The following RELN variants were observed in gnomAD, a reference collection of about 807,000 sequenced individuals.
The protein encoded by RELN is reelin.
A neutral mutation model predicts 427.6 loss-of-function variants in RELN; 108 were observed. The observed-to-expected ratio is 0.25, with a 90% CI of 0.22 to 0.30. The LOEUF (loss-of-function observed/expected upper bound fraction) is 0.30. Ranked by LOEUF, RELN falls within the 10% of genes least tolerant of loss-of-function variation. The pLI is 1.00. For synonymous variants in RELN, 1,524 were observed against 1,513.4 expected, an observed-to-expected ratio of 1.01 and a Z score of -0.16; for missense variants, 3,715 against 4,302.8, an observed-to-expected ratio of 0.86 and a Z score of 3.82.
Position 103,515,401 on chromosome 7 carries a change from C to G in RELN, c.7903G>C (p.Ala2635Pro), listed in dbSNP as rs143751470. 1 of 1,614,000 alleles carries G rather than the reference C, an allele frequency of 6.2e-7. No homozygotes were observed. The highest frequency in any genetic ancestry group is 8.5e-7 in the Non-Finnish European group (1 of 1,180,032). Residue 2635 changes from alanine (A) to proline (P), a missense_variant, in exon 50 of 65, where the codon GCC becomes CCC. Coordinates refer to ENST00000428762, the MANE Select transcript of RELN (RefSeq NM_005045.4). ...ILLPPDAKEIATRFRWWQPRH... is the reference protein window; with the variant it reads ...ILLPPDAKEIPTRFRWWQPRH... ...GGCTGCCACCAGCGGAAGCGAGTGG[C>G]AATCTCTTTAGCATCAGGAGGGAGA...
intron 16 of RELN, among the ~76,000 whole-genome samples, chr7:103,642,409 C>T (rs1313885903): frequency 7.4e-6 from 1 of 134,614 alleles, no homozygotes; most frequent in Non-Finnish European, 1.5e-5. Context: ...AGTATGTGTC[C>T]TTTTCTTCCC....
At chr7:103,627,008 T>G (rs1421551257) in intron 20 of RELN, among the ~76,000 whole-genome samples, 1 of 152,056 alleles carries the variant, frequency 6.6e-6, no homozygotes, top group Non-Finnish European at 1.5e-5. Context: ...GTAGTTCTTC[T>G]AATGAAAAAG....
intron 1 of RELN, among the ~76,000 whole-genome samples, chr7:103,923,473 T>C (rs535814732): frequency 6.7e-6 from 1 of 150,224 alleles, no homozygotes; most frequent in African/African-American, 2.5e-5. Flanking sequence ...GAAAAAAAAA[T>C]CATCCCAATA....
intron 10 of RELN, among the ~76,000 whole-genome samples, chr7:103,692,248 G>C (rs961276489): frequency 2.0e-5 from 3 of 152,148 alleles, no homozygotes; most frequent in Non-Finnish European, 2.9e-5. Context: ...ATTAGCCAGA[G>C]ATGCAATGCT....
rs116506790 is a variant in RELN at position 103,771,517 on chromosome 7, G to T, written c.544+5040C>A. 7.6e-3 allele frequency among the ~76,000 whole-genome samples: 1,163 copies of T among 152,214 alleles called. 12 individuals are homozygous for T. The highest frequency in any genetic ancestry group is 0.026 in the African/African-American group (1,076 of 41,524). On this transcript the variant is annotated intron_variant, in intron 4 of 64. Transcript: ENST00000428762. ...CCTTGGCTGTCCCAGCCAGTGACAG[G>T]CCCCCTTCTCAGCAGGCTGCTGGAG...
At chr7:103,829,363 C>A (rs930721943) in intron 3 of RELN, among the ~76,000 whole-genome samples, 5 of 151,500 alleles carry the variant, frequency 3.3e-5, no homozygotes, top group Admixed American at 6.6e-5. Flanking sequence ...CCCCAGGCCC[C>A]TTGGGACTTT....
chr7:103,553,855 A>T (rs1830468043), intron 38 of RELN, 24 bp from the exon 39 acceptor site: 2 of 1,597,690 alleles, frequency 1.3e-6, no homozygotes, highest in East Asian at 4.5e-5. Flanking sequence ...GGATAAAGCA[A>T]GTTTTTCCAG....
At chr7:103,631,324 T>G (rs2117337267) in intron 19 of RELN, among the ~76,000 whole-genome samples, 1 of 131,032 alleles carries the variant, frequency 7.6e-6, no homozygotes, top group Non-Finnish European at 1.6e-5. Context: ...GATGGAGTCT[T>G]GCGCTGTTGC....
At chr7:103,577,980 G>A (rs1831042922) in intron 28 of RELN, among the ~76,000 whole-genome samples, 1 of 152,164 alleles carries the variant, frequency 6.6e-6, no homozygotes, top group South Asian at 2.1e-4. Flanking sequence ...CTCTCCATCA[G>A]CTGCCCCATT....
At chr7:103,701,923 G>T (rs1834101192) in intron 8 of RELN, among the ~76,000 whole-genome samples, 2 of 152,178 alleles carry the variant, frequency 1.3e-5, no homozygotes, top group African/African-American at 4.8e-5. Context: ...TTTTACGTTT[G>T]TAGTGCTCAG....
intron 17 of RELN, among the ~76,000 whole-genome samples, chr7:103,637,471 A>G (rs1346760490): frequency 6.6e-6 from 1 of 152,200 alleles, no homozygotes; most frequent in Non-Finnish European, 1.5e-5. Flanking sequence ...TGGCCTTTCA[A>G]GGAGTCCATG....
intron 2 of RELN, among the ~76,000 whole-genome samples, chr7:103,893,354 A>C (rs1278971425): frequency 6.6e-6 from 1 of 152,152 alleles, no homozygotes; most frequent in Non-Finnish European, 1.5e-5. Context: ...TAATTTTCAC[A>C]GGGAAATAAA....
At chr7:103,652,147 G>T (rs150784049) in intron 14 of RELN, among the ~76,000 whole-genome samples, 2 of 151,986 alleles carry the variant, frequency 1.3e-5, no homozygotes, top group East Asian at 3.9e-4. Flanking sequence ...GCAACACTTG[G>T]GCAAGTGAAA....
intron 10 of RELN, among the ~76,000 whole-genome samples, chr7:103,685,236 C>T (rs1025157274): frequency 2.6e-5 from 4 of 152,056 alleles, no homozygotes; most frequent in Non-Finnish European, 4.4e-5. Flanking sequence ...AAATTGGTCT[C>T]GATTTTAATA....
At chr7:103,781,355 A>G (rs192283307) in intron 3 of RELN, among the ~76,000 whole-genome samples, 26 of 152,120 alleles carry the variant, frequency 1.7e-4, no homozygotes, top group Non-Finnish European at 3.2e-4. Flanking sequence ...CTATATAAAT[A>G]TATATTATAT....
At chr7:103,796,722 G>A (rs997227019) in intron 3 of RELN, among the ~76,000 whole-genome samples, 5 of 151,982 alleles carry the variant, frequency 3.3e-5, no homozygotes, top group African/African-American at 7.2e-5. Flanking sequence ...TTAGGCAGGC[G>A]TGGTGGCACA....
intron 10 of RELN, among the ~76,000 whole-genome samples, chr7:103,689,476 CT>C (rs1391587008): frequency 1.3e-5 from 2 of 151,978 alleles, no homozygotes; most frequent in East Asian, 3.9e-4. Context: ...GAGCAAAGCA[CT>C]TTTTCTCTTT....
At chr7:103,488,064 C>T (rs1323532712) in intron 60 of RELN, among the ~76,000 whole-genome samples, 4 of 152,004 alleles carry the variant, frequency 2.6e-5, no homozygotes, top group African/African-American at 9.7e-5. Flanking sequence ...AGGATAATCA[C>T]TTGAACCCAG....
intron 2 of RELN, among the ~76,000 whole-genome samples, chr7:103,847,742 C>T (rs1793715028): frequency 6.6e-6 from 1 of 152,096 alleles, no homozygotes; most frequent in African/African-American, 2.4e-5. Context: ...TCTTTTTACT[C>T]TCCTACATGG....
Sources: allele counts gnomAD v4.1 joint callset (sites outside exome capture counted in the v4.1 genomes callset), GRCh38; gene constraint gnomAD v4.1.1; transcripts MANE v1.5; gene names NCBI Gene and HGNC (gene_info 2026-07-23, HGNC 2026-07-21).